Variants in MX2 observed in about 807,000 individuals in gnomAD.
MX2 encodes MX dynamin like GTPase 2, also known as interferon-induced GTP-binding protein Mx2.
MX2 carries 51 observed loss-of-function variants against 74.0 expected under a neutral mutation model. The observed-to-expected ratio is 0.69, with a 90% CI of 0.55 to 0.87. MX2 has a LOEUF of 0.87. Ranked by LOEUF, MX2 falls within the 40% of genes least tolerant of loss-of-function variation. The probability of loss-of-function intolerance (pLI) is 0.00; values close to 1 mark genes in which losing one functional copy is unlikely to be tolerated. For missense variants in MX2, 832 were observed against 908.7 expected, an observed-to-expected ratio of 0.92 and a Z score of 1.09; for synonymous variants, 369 against 339.3, an observed-to-expected ratio of 1.09 and a Z score of -0.96.
At chr21:41,387,589 A>C (rs2089597584) in intron 5 of MX2, among the ~76,000 whole-genome samples, 1 of 151,820 alleles carries the variant, frequency 6.6e-6, no homozygotes, top group Admixed American at 6.6e-5. Context: ...CACTTCCCTG[A>C]CCTCCAAATG....
chr21:41,402,556 C>G lies in MX2; in HGVS notation c.1573+428C>G. Reference sequence around the variant, plus strand: ...TCCCCAGTCTTTATGGCACCAGAGACTGCTTTCATGGAAGACAATTTTTCC... The same window carrying G: ...TCCCCAGTCTTTATGGCACCAGAGAGTGCTTTCATGGAAGACAATTTTTCC... On this transcript the variant is annotated intron_variant, in intron 11 of 13. Transcript: ENST00000330714. The surrounding 1 kb of genome is among the most constrained non-coding windows in gnomAD (Gnocchi z 4.5). 5.8e-6 allele frequency: 1 copy of G among 171,332 alleles called. No homozygotes were observed. Among genetic ancestry groups the G allele is most frequent in the South Asian group, 1.7e-4 (1 of 5,918 alleles). The allele number at this position is 171,332 out of a possible 1,614,324, so 10.6% of individuals were successfully genotyped here.
chr21:41,393,128 A>AAAAAAAAAAAAG (rs2089685157), intron 6 of MX2, among the ~76,000 whole-genome samples: 1 of 139,936 alleles, frequency 7.1e-6, no homozygotes, highest in African/African-American at 3.0e-5. Flanking sequence ...AAAAAAAAAA[A>AAAAAAAAAAAAG]AAAGAAAGAA....
intron 6 of MX2, among the ~76,000 whole-genome samples, chr21:41,393,881 A>G (rs1444939920): frequency 6.6e-6 from 1 of 151,914 alleles, no homozygotes; most frequent in Non-Finnish European, 1.5e-5. Context: ...CATTCACAGA[A>G]CCCATCCGCC....
At chr21:41,407,857 A>C in intron 13 of MX2, 134 bp from the exon 14 acceptor site, 1 of 1,089,958 alleles carries the variant, frequency 9.2e-7, no homozygotes, top group Non-Finnish European at 1.3e-6. Flanking sequence ...TGACCACCGG[A>C]GTGGAGGTGG....
intron 1 of MX2, among the ~76,000 whole-genome samples, chr21:41,370,003 G>C (rs1378991345): frequency 1.3e-5 from 2 of 152,202 alleles, no homozygotes; most frequent in African/African-American, 4.8e-5. Flanking sequence ...TTTGCATGTG[G>C]AGATTGTTTT....
chr21:41,403,288 T>A lies in MX2; in HGVS notation c.1595T>A (p.Ile532Asn). 1 of 1,613,578 alleles carries A rather than the reference T, an allele frequency of 6.2e-7. No individual in the cohort carries two copies. Among genetic ancestry groups the A allele is most frequent in the Non-Finnish European group, 8.5e-7 (1 of 1,179,694 alleles). ...KAMEIIQQAF[I>N]NVAKKHFGEF... is the part of the protein sequence containing the mutation. ...TCAGAAATTATCCAGCAAGCTTTCA[T>A]TAACGTGGCCAAAAAACATTTTGGC... The change falls in exon 12 of 14, where the codon ATT becomes AAT. Residue 532 changes from isoleucine to asparagine, a missense_variant. Transcript: ENST00000330714.
At chr21:41,370,462 G>C (rs2089309545) in intron 1 of MX2, 1 of 152,238 alleles carries the variant, frequency 6.6e-6, no homozygotes, top group African/African-American at 2.4e-5. Flanking sequence ...GGAGAGAAAA[G>C]TTTCCCATGA....
Position 41,382,442 on chromosome 21 carries a change from A to G in MX2, c.610A>G (p.Ile204Val), listed in dbSNP as rs1256075905. ...QNVMAGNGRGISHELISLEIT... is the reference protein window; with the variant it reads ...QNVMAGNGRGVSHELISLEIT... ...CGTCATGGCCGGGAATGGCCGGGGC[A>G]TCAGCCATGAGCTCATCAGCCTGGA... Residue 204 changes from isoleucine (I) to valine (V), a missense_variant, in exon 5 of 14, where the codon ATC becomes GTC. Ile to Val is a conservative substitution (Grantham distance 29). Coordinates refer to ENST00000330714, the MANE Select transcript of MX2 (RefSeq NM_002463.2). 1 of 1,614,134 alleles carries G rather than the reference A, an allele frequency of 6.2e-7. No individual in the cohort carries two copies. Among genetic ancestry groups the G allele is most frequent in the Non-Finnish European group, 8.5e-7 (1 of 1,180,034 alleles).
chr21:41,393,075 G>C (rs760177399), intron 6 of MX2, among the ~76,000 whole-genome samples: 2 of 127,400 alleles, frequency 1.6e-5, no homozygotes, highest in Non-Finnish European at 3.1e-5. Context: ...CTGCACTCCA[G>C]CCTGGTGACA....
rs764070076 is a variant in MX2, at chr21:41,403,894, G to A, written c.1650+551G>A. The A allele has an allele frequency of 1.3e-5, 3 of 231,006 alleles. No individual in the cohort carries two copies. The East Asian group carries it at 4.0e-4, about 31-fold the overall frequency. The allele number at this position is 231,006 out of a possible 1,614,324, so 14.3% of individuals were successfully genotyped here. A position where few individuals can be genotyped will look rare whatever the true frequency, so the allele number is the denominator to read the frequency against. ...CAGGCAAGCAAGAAGGACAATTTTC[G>A]TCATTTTTCCGTCATATAAATTAAT... On this transcript the variant is annotated intron_variant, in intron 12 of 13. Transcript: ENST00000330714.
chr21:41,404,666 G>C (rs190032834), intron 12 of MX2: 1 of 152,256 alleles, frequency 6.6e-6, no homozygotes, highest in Non-Finnish European at 1.5e-5. Flanking sequence ...GAATCTATGT[G>C]TTAAATGTGA....
At position 41,397,705 on chromosome 21, in the gene MX2, G is replaced by A; in HGVS notation, c.1149+14G>A. On this transcript the variant is annotated intron_variant, in intron 8 of 13. Transcript: ENST00000330714. ...ATGCATATCCAAGTGAGCCACGTGGGTTGGGTGACAAGTCATCAATACAGC... is the reference window on the plus strand; with the variant it reads ...ATGCATATCCAAGTGAGCCACGTGGATTGGGTGACAAGTCATCAATACAGC... The A allele has an allele frequency of 6.2e-7, 1 of 1,611,332 alleles. No homozygotes were observed. The highest frequency in any genetic ancestry group is 1.7e-4 in the Middle Eastern group (1 of 6,058).
chr21:41,392,133 C>T lies in MX2; in HGVS notation c.871+1430C>T, dbSNP rs1259760945. On this transcript the variant is annotated intron_variant, in intron 6 of 13. Transcript: ENST00000330714. ...TAAGGATAATGGCCTCCAGATCCATCCCACAGAAATGCAAATTTTCTATGC... is the reference window on the plus strand; with the variant it reads ...TAAGGATAATGGCCTCCAGATCCATTCCACAGAAATGCAAATTTTCTATGC... Among the ~76,000 whole-genome samples, 3 of 152,084 alleles carry T rather than the reference C, an allele frequency of 2.0e-5. No individual in the cohort carries two copies. In the East Asian group the frequency reaches 5.8e-4, roughly 29 times the overall value.
rs1159973759 is a variant in MX2, at chr21:41,388,872, G to T, written c.733-1693G>T. Among the ~76,000 whole-genome samples the T allele has an allele frequency of 6.6e-6, 1 of 152,174 alleles. No homozygotes were observed. The highest frequency in any genetic ancestry group is 1.5e-5 in the Non-Finnish European group (1 of 68,032). On this transcript the variant is annotated intron_variant, in intron 5 of 13. Coordinates refer to ENST00000330714, the MANE Select transcript of MX2 (RefSeq NM_002463.2). This position sits in a 1 kb window ranked among gnomAD's most constrained non-coding sequence, Gnocchi z 4.0. ...TTTGCTTGTCATAACTCAGGTAAGG[G>T]GTAGGGTTTGCTAGTGGTTTGGATG...
Position 41,377,776 on chromosome 21 carries a change from C to T in MX2, c.250-13C>T. ...AGGGGTCAAGGCAGTGGCATCTGTT[C>T]TGCCTTCTCCAGGGGCCCGAGAACA... On this transcript the variant is annotated splice_polypyrimidine_tract_variant and intron_variant, in intron 2 of 13. Transcript: ENST00000330714. 2 of 1,602,776 alleles carry T rather than the reference C, an allele frequency of 1.2e-6. No homozygotes were observed. The highest frequency in any genetic ancestry group is 1.7e-6 in the Non-Finnish European group (2 of 1,171,420).
chr21:41,398,810 T>C, intron 8 of MX2, 87 bp from the exon 9 acceptor site: 1 of 1,531,816 alleles, frequency 6.5e-7, no homozygotes, highest in Non-Finnish European at 8.8e-7. Context: ...TCCTGGATGC[T>C]TTAAAGGGCT....
intron 6 of MX2, among the ~76,000 whole-genome samples, chr21:41,393,140 GAAAAGAAAAAA>G (rs1191877087): frequency 1.9e-5 from 2 of 107,228 alleles, no homozygotes; most frequent in South Asian, 3.0e-4. Context: ...AAGAAAGAAA[GAAAAGAAAAAA>G]AAAAGAAAAT....
intron 13 of MX2, 118 bp from the exon 14 acceptor site, chr21:41,407,873 A>G: frequency 7.4e-7 from 1 of 1,343,518 alleles, no homozygotes; most frequent in South Asian, 1.4e-5. Context: ...GGTGGGCGAG[A>G]CCACCAGGGC....
At position 41,377,915 on chromosome 21, in the gene MX2, G is replaced by A; in HGVS notation, c.376G>A (p.Asp126Asn). The change falls in exon 3 of 14, where the codon GAC becomes AAC. Residue 126 changes from aspartate (D) to asparagine (N), a missense_variant. By Grantham distance (23) the Asp-to-Asn change is conservative. Coordinates refer to ENST00000330714, the MANE Select transcript of MX2 (RefSeq NM_002463.2). ...CCTGCCAGCCATCGCCGTCATCGGG[G>A]ACCAGAGCTCGGGCAAGAGCTCTGT... ...LALPAIAVIG[D>N]QSSGKSSVLE... 1 of 1,614,218 alleles carries A rather than the reference G, an allele frequency of 6.2e-7. No individual in the cohort carries two copies. Among genetic ancestry groups the A allele is most frequent in the Non-Finnish European group, 8.5e-7 (1 of 1,180,046 alleles).
Sources: allele counts gnomAD v4.1 joint callset (sites outside exome capture counted in the v4.1 genomes callset), GRCh38; gene constraint gnomAD v4.1.1; non-coding constraint Gnocchi (gnomAD v3.1); transcripts MANE v1.5; gene names NCBI Gene and HGNC (gene_info 2026-07-23, HGNC 2026-07-21).